POMT1: variants seen among roughly 807,000 people sequenced by gnomAD.
The protein encoded by POMT1 is protein O-mannosyltransferase 1, also known as protein O-mannosyl-transferase 1.
In POMT1, 85 loss-of-function variants were observed where a neutral mutation model predicts 101.6. That is an observed-to-expected ratio of 0.84 (90% confidence interval 0.70 to 1.00). POMT1 has a LOEUF of 1.00. Among genes scored for constraint, POMT1 ranks in the 50% least tolerant of loss-of-function variants. The pLI, the probability that POMT1 is intolerant of heterozygous loss-of-function variation, is 0.00. For synonymous variants in POMT1, 371 were observed against 383.0 expected (o/e 0.97, Z 0.37); for missense variants, 857 against 930.4 (o/e 0.92, Z 1.03).
chr9:131,522,235 T>C lies in POMT1; in HGVS notation c.2003+11T>C. The stretch of plus-strand genomic sequence containing the variant: ...CGACCACCTGTGCAGGTACGGGGGC[T>C]GCGGAGACAGTGGCTGGACCGGGCA... On this transcript the variant is annotated intron_variant, in intron 19 of 19. Coordinates refer to ENST00000402686, the MANE Select transcript of POMT1 (RefSeq NM_001077365.2). This position sits in a 1 kb window ranked among gnomAD's most constrained non-coding sequence, Gnocchi z 5.5. 1 of 1,613,170 alleles carries C rather than the reference T, an allele frequency of 6.2e-7. No individual in the cohort carries two copies. Among genetic ancestry groups the C allele is most frequent in the Non-Finnish European group, 8.5e-7 (1 of 1,180,014 alleles).
chr9:131,508,919 C>G lies in POMT1; in HGVS notation c.436C>G (p.Leu146Val), dbSNP rs762966580. Residue 146 changes from leucine to valine, a missense_variant, in exon 6 of 20, where the codon CTC (leucine) becomes GTC (valine). Transcript: ENST00000402686. Reference sequence around the variant, plus strand: ...TTTCCTCTTTGAAACAGAGAATGCTCTCATCACTCAGTCAAGGCTAATGCT... The same window carrying G: ...TTTCCTCTTTGAAACAGAGAATGCTGTCATCACTCAGTCAAGGCTAATGCT... ...AALLMLIENA[L>V]ITQSRLMLLE... is the part of the protein sequence containing the mutation. 3.7e-6 allele frequency: 6 copies of G among 1,610,190 alleles called. No individual in the cohort carries two copies. Among genetic ancestry groups the G allele is most frequent in the African/African-American group, 2.7e-5 (2 of 74,826 alleles).
At chr9:131,507,995 G>A (rs1020890756) in intron 5 of POMT1, among the ~76,000 whole-genome samples, 1 of 152,172 alleles carries the variant, frequency 6.6e-6, no homozygotes, top group Non-Finnish European at 1.5e-5. Flanking sequence ...CACTTTGGAA[G>A]GCTGAGGCGG....
At chr9:131,515,248 C>G (rs1302967824) in intron 12 of POMT1, among the ~76,000 whole-genome samples, 178 bp from the exon 13 acceptor site, 1 of 152,216 alleles carries the variant, frequency 6.6e-6, no homozygotes, top group Non-Finnish European at 1.5e-5. Flanking sequence ...GTGTCCACTC[C>G]CATCGCCGAG....
chr9:131,509,145 G>A (rs1199341619), intron 6 of POMT1, 123 bp downstream of exon 6: 7 of 730,860 alleles, frequency 9.6e-6, no homozygotes, highest in Middle Eastern at 2.3e-4. Flanking sequence ...TCATTTTGAG[G>A]AGTTGCTTGC....
rs142455796 is a variant in POMT1 at position 131,515,853 on chromosome 9, CCTCACAGGGAGCACTTT to C, written c.1272+335_1272+351del. Among the ~76,000 whole-genome samples the C allele has an allele frequency of 2.2e-3, 232 of 106,456 alleles. 2 individuals carry two copies. Among genetic ancestry groups the C allele is most frequent in the East Asian group, 2.6e-3 (10 of 3,846 alleles). 69.8% of individuals were successfully genotyped at this position (106,456 alleles called of 152,430 possible). ...GGACACTTCCTCACACGGAGCACTT[CCTCACAGGGAGCACTTT>C]CTCTAACACAGGACACTTCCTCACA... On this transcript the variant is annotated intron_variant, in intron 13 of 19. Coordinates refer to ENST00000402686, the MANE Select transcript of POMT1 (RefSeq NM_001077365.2).
In POMT1 at chr9:131,509,107, T is replaced by C. The variant is rs547600673; in HGVS notation, c.539+85T>C. On this transcript the variant is annotated intron_variant, in intron 6 of 19. Transcript: ENST00000402686. The stretch of plus-strand genomic sequence containing the variant: ...ATCTGAGATGGTCCAGTACCTTTTT[T>C]TGTTTCGTTTTGTGAGACAGTACCT... 36 of 954,948 alleles carry C rather than the reference T, an allele frequency of 3.8e-5. No homozygotes were observed. The African/African-American group carries it at 5.6e-4, about 15-fold the overall frequency. 59.2% of individuals were successfully genotyped at this position (954,948 alleles called of 1,614,324 possible). A position where few individuals can be genotyped will look rare whatever the true frequency, so the allele number is the denominator to read the frequency against.
chr9:131,513,956 C>G (rs1947719084), intron 12 of POMT1, among the ~76,000 whole-genome samples: 1 of 152,214 alleles, frequency 6.6e-6, no homozygotes, highest in Non-Finnish European at 1.5e-5. Context: ...ACCCGGCTGC[C>G]CGGGGCTCAC....
chr9:131,511,118 C>T (rs1947028057), intron 9 of POMT1: 1 of 550,476 alleles, frequency 1.8e-6, no homozygotes, highest in Non-Finnish European at 3.2e-6. Context: ...GAAGGCTGAA[C>T]TGAGTGCCTG....
intron 18 of POMT1, 84 bp from the exon 19 acceptor site, chr9:131,521,962 AC>A: frequency 6.3e-7 from 1 of 1,598,466 alleles, no homozygotes; most frequent in Admixed American, 1.7e-5. Context: ...CATAGTAAGA[AC>A]CCTCTCTCTA....
rs756252551 is a variant in POMT1, at chr9:131,522,222, C to T, written c.2001C>T (p.Cys667=). The T allele has an allele frequency of 4.3e-6, 7 of 1,613,514 alleles. No homozygotes were observed. In the South Asian group the frequency reaches 6.6e-5, roughly 15 times the overall value. The change falls in exon 19 of 20, where the codon TGC becomes TGT. Residue 667 remains cysteine, a splice_region_variant and synonymous_variant. Coordinates refer to ENST00000402686, the MANE Select transcript of POMT1 (RefSeq NM_001077365.2). This position sits in a 1 kb window ranked among gnomAD's most constrained non-coding sequence, Gnocchi z 5.5. ...VVLQHISDHL[C]RSQLQRSIFS... is the part of the protein sequence containing the mutation. Reference sequence around the variant, plus strand: ...TGCAGCACATCAGCGACCACCTGTGCAGGTACGGGGGCTGCGGAGACAGTG... The same window carrying T: ...TGCAGCACATCAGCGACCACCTGTGTAGGTACGGGGGCTGCGGAGACAGTG...
chr9:131,521,905 A>C, intron 18 of POMT1, 142 bp from the exon 19 acceptor site: 1 of 1,502,122 alleles, frequency 6.7e-7, no homozygotes, highest in Non-Finnish European at 9.0e-7. Flanking sequence ...GGGAGGCCAA[A>C]GTGAGGGAGT....
chr9:131,517,598 A>G (rs1948980540), intron 13 of POMT1, among the ~76,000 whole-genome samples: 1 of 152,038 alleles, frequency 6.6e-6, no homozygotes, highest in Non-Finnish European at 1.5e-5. Context: ...ATTTTTGTGC[A>G]GAGTGCGCCC....
In POMT1 at chr9:131,519,606, C is replaced by CA; in HGVS notation, c.1584+121dup. 1 of 966,104 alleles carries CA rather than the reference C, an allele frequency of 1.0e-6. No individual in the cohort carries two copies. Among genetic ancestry groups the CA allele is most frequent in the Non-Finnish European group, 1.6e-6 (1 of 629,306 alleles). The allele number at this position is 966,104 out of a possible 1,614,324, so 59.8% of individuals were successfully genotyped here. ...GGCTTTGACGCTGGAGCTACAGGCT[C>CA]ACAACAGAATGAGTGTCTCCTCTCT... On this transcript the variant is annotated intron_variant, in intron 16 of 19. Transcript: ENST00000402686. This position sits in a 1 kb window ranked among gnomAD's most constrained non-coding sequence, Gnocchi z 4.3.
intron 9 of POMT1, 76 bp from the exon 10 acceptor site, chr9:131,511,261 G>A (rs1285266489): frequency 6.8e-7 from 1 of 1,468,586 alleles, no homozygotes; most frequent in East Asian, 2.3e-5. Context: ...AGAGGGAGGA[G>A]TGGCCATCGG....
rs974964789 is a variant in POMT1, at chr9:131,519,423, C to G, written c.1521C>G (p.His507Gln). The G allele has an allele frequency of 1.9e-6, 3 of 1,552,092 alleles. No homozygotes were observed. The Admixed American group carries it at 5.9e-5, about 30-fold the overall frequency. Residue 507 changes from histidine (H) to glutamine (Q), a missense_variant, in exon 16 of 20, where the codon CAC becomes CAG. By Grantham distance (24) the His-to-Gln change is conservative. Transcript: ENST00000402686. This position sits in a 1 kb window ranked among gnomAD's most constrained non-coding sequence, Gnocchi z 4.3. Reference sequence around the variant, plus strand: ...AGAGGGAGCGGGAACGGGAGCTGCACTCACCTGCGCAGGTGGACGTCAGCA... The same window carrying G: ...AGAGGGAGCGGGAACGGGAGCTGCAGTCACCTGCGCAGGTGGACGTCAGCA... Reference protein sequence around the residue: ...QEQRERERELHSPAQVDVSRN... With the variant: ...QEQRERERELQSPAQVDVSRN...
chr9:131,523,029 G>T lies in POMT1; in HGVS notation c.2101G>T (p.Asp701Tyr), dbSNP rs771877812. 1.2e-6 allele frequency: 2 copies of T among 1,610,930 alleles called. No individual in the cohort carries two copies. Reference sequence around the variant, plus strand: ...CACGCTGCGCCCACTCACCTACGGGGACAAGTCACTCTCGCCACATGAACT... The same window carrying T: ...CACGCTGCGCCCACTCACCTACGGGTACAAGTCACTCTCGCCACATGAACT... ...SNTLRPLTYG[D>Y]KSLSPHELKA... Residue 701 changes from aspartate (D) to tyrosine (Y), a missense_variant, in exon 20 of 20, where the codon GAC (aspartate) becomes TAC (tyrosine). Asp to Tyr is a radical substitution (Grantham distance 160, BLOSUM62 -3). Transcript: ENST00000402686.
At position 131,522,287 on chromosome 9, in the gene POMT1, G is replaced by T. The variant is rs942568082; in HGVS notation, c.2003+63G>T. On this transcript the variant is annotated intron_variant, in intron 19 of 19. Transcript: ENST00000402686. The surrounding 1 kb of genome is among the most constrained non-coding windows in gnomAD (Gnocchi z 5.5). ...CAGCCCTCTGCTGGGAAGCCCATGC[G>T]CAGCAAACACATGGGGTGCAGCGAA... 4 of 1,603,090 alleles carry T rather than the reference G, an allele frequency of 2.5e-6. No individual in the cohort carries two copies. The South Asian group carries it at 3.3e-5, about 13-fold the overall frequency.
intron 12 of POMT1, among the ~76,000 whole-genome samples, chr9:131,514,150 C>G (rs761383483): frequency 3.3e-5 from 5 of 152,194 alleles, no homozygotes; most frequent in Non-Finnish European, 7.3e-5. Flanking sequence ...GGGTAGGGGT[C>G]CTTCCTTCTC....
intron 9 of POMT1, 84 bp downstream of exon 9, chr9:131,510,499 C>T: frequency 6.8e-7 from 1 of 1,467,846 alleles, no homozygotes; most frequent in African/African-American, 1.4e-5. Flanking sequence ...ATCAAGTGAA[C>T]ATTAGCACTT....
Sources: gnomAD v4.1 joint callset for allele counts (sites outside exome capture counted in the v4.1 genomes callset) on GRCh38, gnomAD v4.1.1 for gene constraint, Gnocchi (gnomAD v3.1) non-coding constraint, MANE v1.5 for transcripts, NCBI Gene and HGNC (gene_info 2026-07-23, HGNC 2026-07-21) for gene names.